Variants in CYTH1 observed in about 807,000 individuals in gnomAD.
The protein encoded by CYTH1 is cytohesin-1.
CYTH1 carries 18 observed loss-of-function variants against 61.8 expected under a neutral mutation model. The ratio of observed to expected loss-of-function variants is 0.29; its 90% CI spans 0.20 to 0.43. CYTH1 has a LOEUF of 0.43. Ranked by LOEUF, CYTH1 falls within the 20% of genes least tolerant of loss-of-function variation. The pLI, the probability that CYTH1 is intolerant of heterozygous loss-of-function variation, is 1.00. For synonymous variants in CYTH1, 174 were observed against 184.3 expected, an observed-to-expected ratio of 0.94 and a Z score of 0.45; for missense variants, 336 against 510.5, an observed-to-expected ratio of 0.66 and a Z score of 3.29.
At chr17:78,736,835 T>G in intron 1 of CYTH1, 1 of 252,146 alleles carries the variant, frequency 4.0e-6, no homozygotes, top group Non-Finnish European at 8.8e-6. Flanking sequence ...GGGATACCTG[T>G]GAAGCTGTCC....
chr17:78,678,536 T>C (rs983140753), intron 13 of CYTH1: 1 of 152,160 alleles, frequency 6.6e-6, no homozygotes, highest in African/African-American at 2.4e-5. Flanking sequence ...TCAAATCTTA[T>C]ATAAAAAATA....
intron 1 of CYTH1, among the ~76,000 whole-genome samples, chr17:78,731,692 A>C (rs1052539528): frequency 1.3e-5 from 2 of 149,030 alleles, no homozygotes; most frequent in Admixed American, 6.8e-5. Flanking sequence ...CGGGAGGCGA[A>C]GCTTGCAGTG....
chr17:78,715,129 T>A (rs1161437782), intron 1 of CYTH1, among the ~76,000 whole-genome samples: 1 of 151,700 alleles, frequency 6.6e-6, no homozygotes, highest in African/African-American at 2.4e-5. Context: ...ATAGGAAAAA[T>A]TCAGAAGTTC....
intron 1 of CYTH1, among the ~76,000 whole-genome samples, chr17:78,770,215 T>C (rs2093465112): frequency 1.3e-5 from 2 of 151,034 alleles, no homozygotes; most frequent in East Asian, 2.0e-4. Context: ...TCCCAGCTAC[T>C]TGGGAGGCTG....
At chr17:78,760,576 CATATATATGT>C (rs1481459296) in intron 1 of CYTH1, among the ~76,000 whole-genome samples, 467 of 24,876 alleles carry the variant, frequency 0.019, 35 homozygotes, top group Non-Finnish European at 0.032. Flanking sequence ...TATACACATA[CATATATATGT>C]ATATATATGT....
chr17:78,710,135 G>C (rs2093113341), intron 1 of CYTH1, among the ~76,000 whole-genome samples: 1 of 152,200 alleles, frequency 6.6e-6, no homozygotes, highest in South Asian at 2.1e-4. Context: ...CTCCGAGATG[G>C]AAAGATGTCC....
At chr17:78,676,519 C>T in intron 13 of CYTH1, 1 of 298,114 alleles carries the variant, frequency 3.4e-6, no homozygotes, top group South Asian at 3.6e-5. Context: ...TGACATCTGA[C>T]TTTGCTTTGC....
intron 1 of CYTH1, among the ~76,000 whole-genome samples, chr17:78,774,953 A>G (rs765169607): frequency 1.3e-5 from 2 of 152,240 alleles, no homozygotes; most frequent in Non-Finnish European, 2.9e-5. Flanking sequence ...CCACCAGGGC[A>G]TTCGGCATGG....
rs192967609 is a variant in CYTH1, at chr17:78,735,806, A to G, written c.23-26074T>C. Among the ~76,000 whole-genome samples, 43 of 152,344 alleles carry G rather than the reference A, an allele frequency of 2.8e-4. No individual in the cohort carries two copies. The East Asian group carries it at 7.7e-3, about 27-fold the overall frequency. On this transcript the variant is annotated intron_variant, in intron 1 of 13. Coordinates refer to ENST00000446868, the MANE Select transcript of CYTH1 (RefSeq NM_004762.6). ...CATTACCAGCTACAACCCAGTACGC[A>G]TTTTACTATTTTGTCTTGCAGCATT...
At chr17:78,778,027 G>A (rs2093499943) in intron 1 of CYTH1, among the ~76,000 whole-genome samples, 1 of 152,050 alleles carries the variant, frequency 6.6e-6, no homozygotes, top group Non-Finnish European at 1.5e-5. Flanking sequence ...TTTAGGCTGG[G>A]CTTGGTGGCT....
chr17:78,778,647 A>G (rs2093503458), intron 1 of CYTH1, among the ~76,000 whole-genome samples: 1 of 151,112 alleles, frequency 6.6e-6, no homozygotes, highest in African/African-American at 2.4e-5. Flanking sequence ...CAAAAAAAAA[A>G]AAAAAAAAAA....
At chr17:78,688,694 T>G (rs968885059) in intron 11 of CYTH1, among the ~76,000 whole-genome samples, 1 of 152,224 alleles carries the variant, frequency 6.6e-6, no homozygotes, top group African/African-American at 2.4e-5. Flanking sequence ...CTGTTCTTGA[T>G]GTTTACATTT....
At chr17:78,758,214 A>T (rs2093409450) in intron 1 of CYTH1, among the ~76,000 whole-genome samples, 1 of 152,230 alleles carries the variant, frequency 6.6e-6, no homozygotes, top group East Asian at 1.9e-4. Context: ...CAGGATGATT[A>T]ATTAAACTAT....
At chr17:78,745,491 C>T (rs1280379973) in intron 1 of CYTH1, among the ~76,000 whole-genome samples, 2 of 152,130 alleles carry the variant, frequency 1.3e-5, no homozygotes, top group South Asian at 4.1e-4. Flanking sequence ...TTTAAACGCC[C>T]TTTAAAATAA....
rs1267488259 is a variant in CYTH1, at chr17:78,760,583, AT to A, written c.22+21618del. On this transcript the variant is annotated intron_variant, in intron 1 of 13. Transcript: ENST00000446868. Reference sequence around the variant, plus strand: ...TATATATATATACACATACATATATATGTATATATATGTATATATATAGTTT... The same window carrying A: ...TATATATATATACACATACATATATAGTATATATATGTATATATATAGTTT... Among the ~76,000 whole-genome samples the A allele has an allele frequency of 2.6e-4, 6 of 23,334 alleles. No individual in the cohort carries two copies. In the South Asian group the frequency reaches 3.4e-3, roughly 13 times the overall value. The allele number at this position is 23,334 out of a possible 152,430, so 15.3% of individuals were successfully genotyped here.
chr17:78,777,995 T>C (rs953485957), intron 1 of CYTH1, among the ~76,000 whole-genome samples: 6 of 152,100 alleles, frequency 3.9e-5, no homozygotes, highest in African/African-American at 1.2e-4. Context: ...TTTCTCATTA[T>C]TCTGAAAATC....
intron 1 of CYTH1, among the ~76,000 whole-genome samples, chr17:78,725,741 C>T (rs894896719): frequency 2.6e-5 from 4 of 152,186 alleles, no homozygotes; most frequent in Non-Finnish European, 4.4e-5. Context: ...TGACCCAGGC[C>T]AGAGACTGCA....
chr17:78,689,652 C>A (rs2092856621), intron 11 of CYTH1, among the ~76,000 whole-genome samples: 1 of 152,140 alleles, frequency 6.6e-6, no homozygotes, highest in Non-Finnish European at 1.5e-5. Context: ...AGGTTGAGGA[C>A]CCCTGTATTT....
chr17:78,780,763 T>C (rs1288148959), intron 1 of CYTH1, among the ~76,000 whole-genome samples: 2 of 151,942 alleles, frequency 1.3e-5, no homozygotes, highest in Non-Finnish European at 2.9e-5. Flanking sequence ...TCCCAGCACT[T>C]TGGGAGGCCG....
Sources: allele counts gnomAD v4.1 joint callset (sites outside exome capture counted in the v4.1 genomes callset), GRCh38; gene constraint gnomAD v4.1.1; transcripts MANE v1.5; gene names NCBI Gene and HGNC (gene_info 2026-07-23, HGNC 2026-07-21).